TDP1: variants seen among roughly 807,000 people sequenced by gnomAD.
TDP1 encodes tyr-DNA phosphodiesterase 1.
In TDP1, 64 loss-of-function variants were observed where a neutral mutation model predicts 81.5. The ratio of observed to expected loss-of-function variants is 0.79; its 90% CI spans 0.64 to 0.97. The LOEUF is 0.97. Among genes scored for constraint, TDP1 ranks in the 50% least tolerant of loss-of-function variants. TDP1 has a pLI of 0.00. For missense variants in TDP1, 723 were observed against 743.8 expected, an observed-to-expected ratio of 0.97 and a Z score of 0.33; for synonymous variants, 256 against 264.3, an observed-to-expected ratio of 0.97 and a Z score of 0.30.
chr14:89,963,076 G>C, intron 2 of TDP1, 32 bp from the exon 3 acceptor site: 1 of 1,614,040 alleles, frequency 6.2e-7, no homozygotes, highest in Non-Finnish European at 8.5e-7. Context: ...TGATGAATGG[G>C]AAATGCTGAT....
At position 90,013,831 on chromosome 14, in the gene TDP1, G is replaced by T. The variant is rs188874583; in HGVS notation, c.1542-5485G>T. ...CAGGAGATCTGATGGTTTTATAAGA[G>T]GAAACCTCTTTTACTTGGCTCTCAT... On this transcript the variant is annotated intron_variant, in intron 14 of 16. Transcript: ENST00000335725. Among the ~76,000 whole-genome samples the T allele has an allele frequency of 4.6e-5, 7 of 152,264 alleles. No homozygotes were observed. The East Asian group carries it at 1.4e-3, about 29-fold the overall frequency.
chr14:90,034,970 C>G (rs991181585), intron 16 of TDP1, among the ~76,000 whole-genome samples: 7 of 152,152 alleles, frequency 4.6e-5, no homozygotes, highest in African/African-American at 1.7e-4. Context: ...CATGGTGAAC[C>G]AAGCCTCCTC....
At chr14:89,957,540 C>T (rs1891808636) in intron 2 of TDP1, among the ~76,000 whole-genome samples, 1 of 152,198 alleles carries the variant, frequency 6.6e-6, no homozygotes, top group Non-Finnish European at 1.5e-5. Context: ...AGCATGGCCT[C>T]CAGGCCCAGC....
chr14:90,033,038 C>A, intron 15 of TDP1, 68 bp from the exon 16 acceptor site: 1 of 1,215,302 alleles, frequency 8.2e-7, no homozygotes, highest in Non-Finnish European at 1.2e-6. Flanking sequence ...CTTCTTGAGG[C>A]CTTCTGGTTT....
At position 89,963,169 on chromosome 14, in the gene TDP1, GAGGA is replaced by G. The variant is rs1265378927; in HGVS notation, c.58_61del (p.Glu20LysfsTer43). The G allele has an allele frequency of 6.2e-7, 1 of 1,614,152 alleles. No individual in the cohort carries two copies. The highest frequency in any genetic ancestry group is 1.7e-5 in the Admixed American group (1 of 60,022). On this transcript the variant is annotated frameshift_variant, in exon 3 of 17. Transcript: ENST00000335725. LOFTEE classifies it high-confidence loss of function. The stretch of plus-strand genomic sequence containing the variant: ...GACCATATCTAGTAGTGATGAAAGT[GAGGA>G]AGAAAAGCCAAAACCAGACAAGCCA...
rs1471850354 is a variant in TDP1 at position 90,033,002 on chromosome 14, A to G, written c.1645-104A>G. On this transcript the variant is annotated intron_variant, in intron 15 of 16. Transcript: ENST00000335725. Reference sequence around the variant, plus strand: ...ATACCTCCAAAATAATTTGAATTTTATTTAGGTACCATAAAGATATTATTG... The same window carrying G: ...ATACCTCCAAAATAATTTGAATTTTGTTTAGGTACCATAAAGATATTATTG... 1.2e-5 allele frequency: 14 copies of G among 1,168,954 alleles called. No homozygotes were observed. The East Asian group carries it at 3.0e-4, about 25-fold the overall frequency. The allele number at this position is 1,168,954 out of a possible 1,614,324, so 72.4% of individuals were successfully genotyped here. A position where few individuals can be genotyped will look rare whatever the true frequency, so the allele number is the denominator to read the frequency against.
chr14:89,955,893 A>G (rs1385887295), upstream of TDP1: 4 of 152,332 alleles, frequency 2.6e-5, no homozygotes, highest in African/African-American at 7.2e-5. Context: ...CGCTGCCGCC[A>G]GGGTTTGAAC....
rs764532347 is a variant in TDP1, at chr14:90,020,042, G to A, written c.1644+624G>A. On this transcript the variant is annotated intron_variant, in intron 15 of 16. Coordinates refer to ENST00000335725, the MANE Select transcript of TDP1 (RefSeq NM_018319.4). ...AAGCACCGTGTCGAACTGGTCTTTC[G>A]AGATGTCCAGCACAGCCAGCTTGTC... 7.2e-4 allele frequency among the ~76,000 whole-genome samples: 110 copies of A among 152,226 alleles called. 1 individual carries two copies. The highest frequency in any genetic ancestry group is 3.5e-4 in the Non-Finnish European group (24 of 68,006).
chr14:89,964,826 A>G (rs1234773693), intron 3 of TDP1: 8 of 433,820 alleles, frequency 1.8e-5, no homozygotes, highest in Admixed American at 2.7e-5. Flanking sequence ...GAGCTCTTAC[A>G]TATATTTTCT....
chr14:90,021,467 TTGTAAC>T (rs1390171659), intron 15 of TDP1, among the ~76,000 whole-genome samples: 1 of 152,198 alleles, frequency 6.6e-6, no homozygotes, highest in African/African-American at 2.4e-5. Context: ...GTCTGGTCCT[TTGTAAC>T]TGTTCTGACC....
At chr14:90,029,202 T>TA (rs1481062105) in intron 15 of TDP1, among the ~76,000 whole-genome samples, 4 of 149,852 alleles carry the variant, frequency 2.7e-5, no homozygotes, top group Admixed American at 6.6e-5. Flanking sequence ...TTATTTTTTT[T>TA]TTTTTTTTTT....
chr14:89,966,800 A>T (rs1334276261), intron 4 of TDP1, among the ~76,000 whole-genome samples: 1 of 152,252 alleles, frequency 6.6e-6, no homozygotes, highest in East Asian at 1.9e-4. Flanking sequence ...CGACTGAGTT[A>T]CTAAGTCCAG....
intron 16 of TDP1, among the ~76,000 whole-genome samples, chr14:90,034,940 G>A (rs566499297): frequency 1.4e-5 from 2 of 141,050 alleles, no homozygotes; most frequent in South Asian, 2.4e-4. Flanking sequence ...CTCCTCTGTC[G>A]CACTAACCTT....
Position 89,990,847 on chromosome 14 carries a change from A to ATG in TDP1, c.1367-1063_1367-1062dup, listed in dbSNP as rs1896104600. ...TAGATCAGTGTGGAGAAGTTCCAGC[A>ATG]TGTGTGTGGAAAGTCACTGATAATC... On this transcript the variant is annotated intron_variant, in intron 12 of 16. Coordinates refer to ENST00000335725, the MANE Select transcript of TDP1 (RefSeq NM_018319.4). Among the ~76,000 whole-genome samples the ATG allele has an allele frequency of 3.6e-5, 4 of 110,116 alleles. No individual in the cohort carries two copies. The South Asian group carries it at 1.2e-3, about 32-fold the overall frequency. 72.2% of individuals were successfully genotyped at this position (110,116 alleles called of 152,430 possible).
intron 14 of TDP1, among the ~76,000 whole-genome samples, chr14:90,003,739 G>A (rs1269729460): frequency 6.6e-6 from 1 of 152,208 alleles, no homozygotes; most frequent in Non-Finnish European, 1.5e-5. Context: ...GATAGTCAGG[G>A]ATGAGCAGAA....
At chr14:89,977,545 G>A (rs193052821) in intron 7 of TDP1, among the ~76,000 whole-genome samples, 2 of 152,272 alleles carry the variant, frequency 1.3e-5, no homozygotes, top group South Asian at 2.1e-4. Context: ...TGATCCACCC[G>A]CCTCGGCCTC....
intron 10 of TDP1, among the ~76,000 whole-genome samples, chr14:89,986,517 C>G (rs1369282431): frequency 6.6e-6 from 1 of 152,226 alleles, no homozygotes; most frequent in Non-Finnish European, 1.5e-5. Context: ...TATGTGTGAT[C>G]ACCATCTGAT....
intron 9 of TDP1, 51 bp from the exon 10 acceptor site, chr14:89,985,081 G>A (rs957686307): frequency 1.4e-6 from 2 of 1,461,066 alleles, no homozygotes; most frequent in Admixed American, 3.6e-5. Context: ...TTTTTTTGGT[G>A]CCCAAAGCAC....
chr14:90,013,166 T>G (rs1884915935), intron 14 of TDP1, among the ~76,000 whole-genome samples: 1 of 152,178 alleles, frequency 6.6e-6, no homozygotes, highest in Admixed American at 6.5e-5. Context: ...ACTGTAGACT[T>G]TTGAATTAAT....
Sources: gnomAD v4.1 joint callset for allele counts (sites outside exome capture counted in the v4.1 genomes callset) on GRCh38, gnomAD v4.1.1 for gene constraint, MANE v1.5 for transcripts, NCBI Gene and HGNC (gene_info 2026-07-23, HGNC 2026-07-21) for gene names.